C10orf90: variants seen among roughly 807,000 people sequenced by gnomAD.
C10orf90 encodes the protein (E2-independent) E3 ubiquitin-conjugating enzyme FATS.
In C10orf90, 56 loss-of-function variants were observed where a neutral mutation model predicts 62.5. The ratio of observed to expected loss-of-function variants is 0.90; its 90% CI spans 0.72 to 1.12. The LOEUF (loss-of-function observed/expected upper bound fraction) is 1.12. C10orf90 is among the 50% of genes most tolerant of loss of function. The probability of loss-of-function intolerance (pLI) is 0.00; values close to 1 mark genes in which losing one functional copy is unlikely to be tolerated. For missense variants in C10orf90, 970 were observed against 880.4 expected, an observed-to-expected ratio of 1.10 and a Z score of -1.29; for synonymous variants, 386 against 340.4, an observed-to-expected ratio of 1.13 and a Z score of -1.47.
At chr10:126,601,223 A>C (rs1240944106) in intron 2 of C10orf90, among the ~76,000 whole-genome samples, 1 of 152,228 alleles carries the variant, frequency 6.6e-6, no homozygotes, top group African/African-American at 2.4e-5. Context: ...TGTAGGTTAA[A>C]GGATACAAAC....
intron 2 of C10orf90, among the ~76,000 whole-genome samples, chr10:126,544,975 T>A (rs992131745): frequency 5.9e-5 from 9 of 152,196 alleles, no homozygotes; most frequent in Admixed American, 5.9e-4. Context: ...GACAAAACGA[T>A]TTTTAAACAC....
chr10:126,618,373 T>G (rs933495614), intron 2 of C10orf90, among the ~76,000 whole-genome samples: 2 of 152,340 alleles, frequency 1.3e-5, no homozygotes, highest in East Asian at 1.9e-4. Flanking sequence ...TGTAGGACAC[T>G]GTGTCCTTAC....
At chr10:126,554,796 ACTC>A (rs971371944) in intron 2 of C10orf90, among the ~76,000 whole-genome samples, 5 of 152,164 alleles carry the variant, frequency 3.3e-5, no homozygotes, top group African/African-American at 1.2e-4. Flanking sequence ...ATTCCAAAAG[ACTC>A]CTCCTGCTGA....
intron 4 of C10orf90, among the ~76,000 whole-genome samples, chr10:126,490,073 A>G (rs145447798): frequency 0.089 from 10,339 of 116,392 alleles, 1,498 homozygotes; most frequent in African/African-American, 0.3. Context: ...TATATAATAT[A>G]TAATATAATA....
chr10:126,630,080 C>T (rs1004056359), intron 2 of C10orf90, among the ~76,000 whole-genome samples: 2 of 152,226 alleles, frequency 1.3e-5, no homozygotes, highest in African/African-American at 4.8e-5. Context: ...CCTGTGTGTG[C>T]ACTGCATGCA....
chr10:126,461,030 C>G (rs1342836693), intron 6 of C10orf90, among the ~76,000 whole-genome samples: 1 of 152,158 alleles, frequency 6.6e-6, no homozygotes, highest in Non-Finnish European at 1.5e-5. Flanking sequence ...TCAGTGTCCT[C>G]ATCTGAAGAC....
At chr10:126,506,149 C>T (rs1439939250) in intron 3 of C10orf90, among the ~76,000 whole-genome samples, 1 of 152,128 alleles carries the variant, frequency 6.6e-6, no homozygotes, top group East Asian at 1.9e-4. Context: ...TTTAAATGAC[C>T]AAGGTGTTTC....
chr10:126,643,664 C>T (rs1487871027), intron 2 of C10orf90, among the ~76,000 whole-genome samples: 5 of 152,172 alleles, frequency 3.3e-5, no homozygotes, highest in Admixed American at 3.3e-4. Flanking sequence ...TTCTACACCC[C>T]AGTGCCTCAT....
intron 2 of C10orf90, among the ~76,000 whole-genome samples, chr10:126,626,494 C>T (rs1003609371): frequency 6.6e-6 from 1 of 152,156 alleles, no homozygotes; most frequent in African/African-American, 2.4e-5. Context: ...CAAAGAGCCA[C>T]CTGTCTTGCC....
At chr10:126,426,603 A>T (rs887535073) in intron 8 of C10orf90, among the ~76,000 whole-genome samples, 10 of 152,184 alleles carry the variant, frequency 6.6e-5, no homozygotes, top group Non-Finnish European at 1.2e-4. Context: ...TTTACCTCTC[A>T]ACCTATTGCA....
intron 2 of C10orf90, among the ~76,000 whole-genome samples, chr10:126,521,856 C>G (rs1223475299): frequency 6.6e-6 from 1 of 152,122 alleles, no homozygotes; most frequent in Non-Finnish European, 1.5e-5. Flanking sequence ...TTATACCCAA[C>G]CAAATTTGAG....
chr10:126,635,465 T>C (rs1845932157), intron 2 of C10orf90, among the ~76,000 whole-genome samples: 1 of 152,088 alleles, frequency 6.6e-6, no homozygotes, highest in African/African-American at 2.4e-5. Flanking sequence ...AGCCATAAAA[T>C]AGAGTGGGCT....
intron 4 of C10orf90, among the ~76,000 whole-genome samples, chr10:126,475,276 A>G (rs2133781858): frequency 6.6e-6 from 1 of 152,322 alleles, no homozygotes; most frequent in East Asian, 1.9e-4. Flanking sequence ...GGCCCCAGCT[A>G]GATCAGTGAG....
Position 126,504,033 on chromosome 10 carries a change from G to T in C10orf90, c.1458C>A (p.Asp486Glu). 1 of 1,614,074 alleles carries T rather than the reference G, an allele frequency of 6.2e-7. No homozygotes were observed. Among genetic ancestry groups the T allele is most frequent in the Non-Finnish European group, 8.5e-7 (1 of 1,180,016 alleles). ...CGCTGGCGTGACAATGAGTTGTATG[G>T]TCCTTTTCCCCTTTTCTTACAGTGA... ...NQVTVRKGEK[D>E]HTTHCHASDH... Residue 486 changes from aspartate to glutamate, a missense_variant, in exon 4 of 10, where the codon GAC (aspartate) becomes GAA (glutamate). Transcript: ENST00000488181. This position sits in a 1 kb window ranked among gnomAD's most constrained non-coding sequence, Gnocchi z 4.1.
chr10:126,618,719 A>G (rs1370852568), intron 2 of C10orf90, among the ~76,000 whole-genome samples: 1 of 152,212 alleles, frequency 6.6e-6, no homozygotes, highest in Non-Finnish European at 1.5e-5. Flanking sequence ...GAGCATATTG[A>G]GGAATCACCA....
chr10:126,439,441 A>C (rs1858157045), intron 7 of C10orf90, among the ~76,000 whole-genome samples: 1 of 152,232 alleles, frequency 6.6e-6, no homozygotes, highest in South Asian at 2.1e-4. Flanking sequence ...CCAACAAAAT[A>C]ATGTGATAAT....
intron 2 of C10orf90, among the ~76,000 whole-genome samples, chr10:126,560,409 G>T (rs1291968343): frequency 1.3e-5 from 2 of 152,134 alleles, no homozygotes; most frequent in Admixed American, 6.5e-5. Flanking sequence ...CTGCCGACGC[G>T]CACGGTGCAT....
chr10:126,446,999 A>G (rs1858827573), intron 7 of C10orf90, among the ~76,000 whole-genome samples: 1 of 152,146 alleles, frequency 6.6e-6, no homozygotes. Flanking sequence ...AATAGTAACC[A>G]CAGTGTAAAA....
At chr10:126,553,638 A>G (rs908694717) in intron 2 of C10orf90, among the ~76,000 whole-genome samples, 1 of 152,206 alleles carries the variant, frequency 6.6e-6, no homozygotes, top group Non-Finnish European at 1.5e-5. Context: ...AGTATTCAAT[A>G]CAGTCATGCT....
Sources: allele counts gnomAD v4.1 joint callset (sites outside exome capture counted in the v4.1 genomes callset), GRCh38; gene constraint gnomAD v4.1.1; non-coding constraint Gnocchi (gnomAD v3.1); transcripts MANE v1.5; gene names NCBI Gene and HGNC (gene_info 2026-07-23, HGNC 2026-07-21).